Variants in TCIRG1 observed in about 807,000 individuals in gnomAD.
TCIRG1 encodes V-type proton ATPase 116 kDa subunit a 3.
TCIRG1 carries 86 observed loss-of-function variants against 95.5 expected under a neutral mutation model. That is an observed-to-expected ratio of 0.90 (90% confidence interval 0.76 to 1.08). The LOEUF (loss-of-function observed/expected upper bound fraction) is 1.08. TCIRG1 is among the 50% of genes least tolerant of loss of function. TCIRG1 has a pLI of 0.00. For missense variants in TCIRG1, 1,069 were observed against 1,140.2 expected, an observed-to-expected ratio of 0.94 and a Z score of 0.90; for synonymous variants, 499 against 501.3, an observed-to-expected ratio of 1.00 and a Z score of 0.06.
rs766868393 is a variant in TCIRG1 at position 68,047,416 on chromosome 11, C to T, written c.1166-17C>T. On this transcript the variant is annotated splice_polypyrimidine_tract_variant and intron_variant, in intron 10 of 19. Coordinates refer to ENST00000265686, the MANE Select transcript of TCIRG1 (RefSeq NM_006019.4). ...GGTGTGTTCGGGGGTTCCCAGCTCACCCACCTCTGCCCACAGCTCCCTACA... is the reference window on the plus strand; with the variant it reads ...GGTGTGTTCGGGGGTTCCCAGCTCATCCACCTCTGCCCACAGCTCCCTACA... 6.2e-7 allele frequency: 1 copy of T among 1,613,596 alleles called. No individual in the cohort carries two copies. Among genetic ancestry groups the T allele is most frequent in the Non-Finnish European group, 8.5e-7 (1 of 1,179,862 alleles).
intron 10 of TCIRG1, chr11:68,046,853 G>A (rs1465843021): frequency 2.2e-6 from 1 of 456,124 alleles, no homozygotes; most frequent in Non-Finnish European, 4.4e-6. Flanking sequence ...AGCTGAAGCT[G>A]CTAACTTCCT....
At chr11:68,049,349 T>G in intron 15 of TCIRG1, 55 bp downstream of exon 15, 95 of 1,486,988 alleles carry the variant, frequency 6.4e-5, no homozygotes, top group Middle Eastern at 2.0e-4. Flanking sequence ...GACCCCGCGG[T>G]CACAGGGCCA....
At position 68,043,488 on chromosome 11, in the gene TCIRG1, C is replaced by A. The variant is rs1196775794; in HGVS notation, c.621C>A (p.His207Gln). Residue 207 changes from histidine (H) to glutamine (Q), a missense_variant, in exon 6 of 20, where the codon CAC (histidine) becomes CAA (glutamine). Physicochemically the swap from His to Gln is conservative, Grantham distance 24. Transcript: ENST00000265686. ...SFRELEQPLE[H>Q]PVTGEPATWM... ...GGGAGCTGGAGCAGCCGCTGGAGCA[C>A]CCCGTGACGGTGAGCAGCTGGCGCT... The A allele has an allele frequency of 6.4e-7, 1 of 1,566,544 alleles. No homozygotes were observed. Among genetic ancestry groups the A allele is most frequent in the Non-Finnish European group, 8.6e-7 (1 of 1,156,242 alleles).
chr11:68,043,237 G>A, intron 5 of TCIRG1, 134 bp from the exon 6 acceptor site: 1 of 1,476,348 alleles, frequency 6.8e-7, no homozygotes, highest in Non-Finnish European at 9.0e-7. Flanking sequence ...GAGGCCTCCT[G>A]CCTTCCCCTG....
At chr11:68,044,645 G>A (rs538935144) in intron 9 of TCIRG1, 32 of 589,472 alleles carry the variant, frequency 5.4e-5, no homozygotes, top group South Asian at 2.6e-4. Context: ...CTGTGGAACC[G>A]GTGTGATGCC....
intron 1 of TCIRG1, among the ~76,000 whole-genome samples, 162 bp from the exon 2 acceptor site, chr11:68,041,106 C>T (rs1056783583): frequency 3.3e-5 from 5 of 152,206 alleles, no homozygotes; most frequent in African/African-American, 1.2e-4. Context: ...TGCGTGACCT[C>T]AGCACCGCAT....
Position 68,039,069 on chromosome 11 carries a change from G to A in TCIRG1, c.-55G>A, listed in dbSNP as rs964777330. ...TGCAGTTCTGAGTCCCGCCCGGCGT[G>A]CGCGGAGCGGGGCAGCCAGCAGCGG... On this transcript the variant is annotated 5_prime_UTR_variant, in exon 1 of 20. Coordinates refer to ENST00000265686, the MANE Select transcript of TCIRG1 (RefSeq NM_006019.4). 1 of 152,422 alleles carries A rather than the reference G, an allele frequency of 6.6e-6. No homozygotes were observed. Among genetic ancestry groups the A allele is most frequent in the Admixed American group, 6.5e-5 (1 of 15,314 alleles). 9.4% of individuals were successfully genotyped at this position (152,422 alleles called of 1,614,324 possible).
At position 68,044,084 on chromosome 11, in the gene TCIRG1, C is replaced by T. The variant is rs1207738939; in HGVS notation, c.808-48C>T. 6 of 1,509,202 alleles carry T rather than the reference C, an allele frequency of 4.0e-6. No homozygotes were observed. The East Asian group carries it at 1.5e-4, about 37-fold the overall frequency. 93.5% of individuals were successfully genotyped at this position (1,509,202 alleles called of 1,614,324 possible). ...AGGAGGTGGGTGCCCCCGGCCCAGC[C>T]ACCCCACCTGCCTGCCCAGCCCCCG... On this transcript the variant is annotated intron_variant, in intron 8 of 19. Transcript: ENST00000265686.
At chr11:68,043,686 T>G (rs1178145108) in intron 7 of TCIRG1, 33 bp downstream of exon 7, 1 of 1,570,522 alleles carries the variant, frequency 6.4e-7, no homozygotes, top group South Asian at 1.2e-5. Context: ...CCCACCGCCC[T>G]GCTCCCCAGG....
intron 10 of TCIRG1, among the ~76,000 whole-genome samples, chr11:68,045,940 T>C (rs1855461414): frequency 6.6e-6 from 1 of 152,140 alleles, no homozygotes; most frequent in Admixed American, 6.5e-5. Context: ...CCCCACTCAG[T>C]GTCACTGGGG....
intron 10 of TCIRG1, among the ~76,000 whole-genome samples, chr11:68,046,779 A>G (rs1053339175): frequency 1.3e-5 from 2 of 152,138 alleles, no homozygotes; most frequent in Admixed American, 1.3e-4. Context: ...GCCATGTGCC[A>G]GCTGGGGCTG....
At chr11:68,040,601 A>G (rs1287009239) in intron 1 of TCIRG1, among the ~76,000 whole-genome samples, 1 of 152,140 alleles carries the variant, frequency 6.6e-6, no homozygotes, top group African/African-American at 2.4e-5. Flanking sequence ...GGGCCCCAGC[A>G]TCCAGGGCGG....
Position 68,047,639 on chromosome 11 carries a change from C to G in TCIRG1, c.1306-8C>G, listed in dbSNP as rs188598855. On this transcript the variant is annotated splice_polypyrimidine_tract_variant and splice_region_variant and intron_variant, in intron 11 of 19. Coordinates refer to ENST00000265686, the MANE Select transcript of TCIRG1 (RefSeq NM_006019.4). ...AGGCAGCCCCTCACCACACCACTGC[C>G]CCCCCAGATCTGGCAGACTTTCTTC... 4.3e-6 allele frequency: 7 copies of G among 1,613,194 alleles called. No individual in the cohort carries two copies. Among genetic ancestry groups the G allele is most frequent in the Middle Eastern group, 3.3e-4 (2 of 6,062 alleles).
Position 68,044,114 on chromosome 11 carries a change from CT to C in TCIRG1, c.808-17del. 2 of 1,544,978 alleles carry C rather than the reference CT, an allele frequency of 1.3e-6. No homozygotes were observed. On this transcript the variant is annotated splice_polypyrimidine_tract_variant and intron_variant, in intron 8 of 19. Transcript: ENST00000265686. ...CACCTGCCTGCCCAGCCCCCGCTGA[CT>C]GCCCACTCTGGCGCAGGTCCTCGGG...
intron 10 of TCIRG1, chr11:68,047,116 T>G (rs1334042634): frequency 2.6e-6 from 1 of 391,604 alleles, no homozygotes. Context: ...GTTCAAATGA[T>G]TCTCCTGCCT....
At chr11:68,049,569 C>G in intron 15 of TCIRG1, 94 bp from the exon 16 acceptor site, 1 of 1,516,636 alleles carries the variant, frequency 6.6e-7, no homozygotes, top group Non-Finnish European at 8.9e-7. Context: ...GAGGAGCGAC[C>G]GCAGGCTCTC....
chr11:68,048,466 G>A, intron 13 of TCIRG1: 1 of 342,310 alleles, frequency 2.9e-6, no homozygotes, highest in Non-Finnish European at 5.7e-6. Context: ...GCTAATTTCT[G>A]TATTTTTAGT....
chr11:68,049,032 G>A, intron 14 of TCIRG1, 35 bp downstream of exon 14: 1 of 1,613,002 alleles, frequency 6.2e-7, no homozygotes, highest in Admixed American at 1.7e-5. Flanking sequence ...ACGGGAGGCT[G>A]GCAGGCCAGA....
Position 68,050,154 on chromosome 11 carries a change from G to A in TCIRG1, c.2136G>A (p.Val712=), listed in dbSNP as rs977781450. 1.9e-6 allele frequency: 3 copies of A among 1,613,366 alleles called. No individual in the cohort carries two copies. The African/African-American group carries it at 4.0e-5, about 21-fold the overall frequency. Residue 712 remains valine, a synonymous_variant, in exon 18 of 20, where the codon GTG becomes GTA. Coordinates refer to ENST00000265686, the MANE Select transcript of TCIRG1 (RefSeq NM_006019.4). ...EEEAELVPSE[V]LMHQAIHTIE... ...CCCCGCAGCTCGTCCCCTCCGAGGT[G>A]CTCATGCACCAGGCCATCCACACCA... is the stretch of plus-strand genomic sequence containing the variant.
Sources: allele counts gnomAD v4.1 joint callset (sites outside exome capture counted in the v4.1 genomes callset), GRCh38; gene constraint gnomAD v4.1.1; transcripts MANE v1.5; gene names NCBI Gene and HGNC (gene_info 2026-07-23, HGNC 2026-07-21).